The following ANXA11 variants were observed in gnomAD, a reference collection of about 807,000 sequenced individuals.
ANXA11 encodes 56 kDa autoantigen.
In ANXA11, 57 loss-of-function variants were observed where a neutral mutation model predicts 64.7. That is an observed-to-expected ratio of 0.88 (90% CI 0.71 to 1.10). The LOEUF (loss-of-function observed/expected upper bound fraction) is 1.10, where lower values mean the gene tolerates loss of function less well. ANXA11 is among the 50% of genes least tolerant of loss of function. The probability of loss-of-function intolerance (pLI) is 0.00; values close to 1 mark genes in which losing one functional copy is unlikely to be tolerated. For synonymous variants in ANXA11, 260 were observed against 265.2 expected (o/e 0.98, Z 0.19); for missense variants, 675 against 670.7 (o/e 1.01, Z -0.07).
chr10:80,189,183 G>A (rs1483049008), intron 1 of ANXA11, among the ~76,000 whole-genome samples: 2 of 152,208 alleles, frequency 1.3e-5, no homozygotes, highest in African/African-American at 2.4e-5. Context: ...AAAGCAGAGA[G>A]CCTTTGTTGC....
intron 15 of ANXA11, among the ~76,000 whole-genome samples, chr10:80,156,158 C>CA (rs904780222): frequency 3.0e-4 from 45 of 151,620 alleles, no homozygotes; most frequent in African/African-American, 8.2e-4. Flanking sequence ...TGAATACCCA[C>CA]AAAAAAAAAT....
At chr10:80,187,364 C>T (rs976323470) in intron 1 of ANXA11, among the ~76,000 whole-genome samples, 2 of 152,180 alleles carry the variant, frequency 1.3e-5, no homozygotes, top group African/African-American at 2.4e-5. Context: ...TATTTGTGAA[C>T]CAGAAAGTGG....
At position 80,192,617 on chromosome 10, in the gene ANXA11, G is replaced by A. The variant is rs1372158751; in HGVS notation, c.-58+12726C>T. Among the ~76,000 whole-genome samples, 5 of 152,240 alleles carry A rather than the reference G, an allele frequency of 3.3e-5. No homozygotes were observed. The South Asian group carries it at 8.3e-4, about 25-fold the overall frequency. On this transcript the variant is annotated intron_variant, in intron 1 of 15. Transcript: ENST00000422982. ...CATTGTGAAATTTGAGAAGAGAAGA[G>A]GCAGAAGATACTAAAACTTTAGAAA...
chr10:80,171,296 T>C (rs2132421863), intron 3 of ANXA11: 4 of 1,039,128 alleles, frequency 3.8e-6, no homozygotes, highest in South Asian at 3.1e-5. Context: ...GAGGTGACCA[T>C]AGGGAGCTCT....
chr10:80,156,436 C>T (rs1281456733), intron 15 of ANXA11: 2 of 471,862 alleles, frequency 4.2e-6, no homozygotes, highest in African/African-American at 2.0e-5. Context: ...CCCTAAGCAA[C>T]TTGAGGGCAA....
intron 2 of ANXA11, among the ~76,000 whole-genome samples, chr10:80,173,580 C>T (rs1346347640): frequency 6.6e-6 from 1 of 151,514 alleles, no homozygotes. Flanking sequence ...GAGACACCTG[C>T]TCTCACGAAG....
intron 1 of ANXA11, among the ~76,000 whole-genome samples, chr10:80,194,009 G>C (rs1339496777): frequency 6.6e-6 from 1 of 151,882 alleles, no homozygotes; most frequent in Non-Finnish European, 1.5e-5. Context: ...AGTAGAGACA[G>C]GGTTTCGCCA....
chr10:80,157,005 C>T (rs936049241), intron 15 of ANXA11: 1 of 985,348 alleles, frequency 1.0e-6, no homozygotes, highest in Non-Finnish European at 1.2e-6. Context: ...TTTTGTCAGA[C>T]TGGCTCTGCC....
intron 7 of ANXA11, 87 bp downstream of exon 7, chr10:80,166,803 G>T: frequency 1.9e-6 from 2 of 1,036,168 alleles, no homozygotes; most frequent in Non-Finnish European, 2.9e-6. Context: ...GGAGATCCGG[G>T]CCCACCCAAG....
At chr10:80,200,671 G>A (rs558877757) in intron 1 of ANXA11, among the ~76,000 whole-genome samples, 2 of 152,298 alleles carry the variant, frequency 1.3e-5, no homozygotes, top group South Asian at 4.1e-4. Flanking sequence ...GTCCCGCAGA[G>A]GACCTATTTT....
chr10:80,174,087 C>T (rs950546018), intron 2 of ANXA11, among the ~76,000 whole-genome samples: 3 of 152,176 alleles, frequency 2.0e-5, no homozygotes, highest in Non-Finnish European at 4.4e-5. Flanking sequence ...CAGGGTCTCG[C>T]TCTGTCACCC....
chr10:80,201,715 G>T (rs2132512004), intron 1 of ANXA11, among the ~76,000 whole-genome samples: 1 of 152,204 alleles, frequency 6.6e-6, no homozygotes, highest in South Asian at 2.1e-4. Context: ...AAATAGCCGT[G>T]ACCTTTTTAG....
rs1845150913 is a variant in ANXA11, at chr10:80,151,167, A to C, written c.*4686T>G. The C allele has an allele frequency of 6.6e-6, 1 of 152,200 alleles. No homozygotes were observed. The highest frequency in any genetic ancestry group is 1.5e-5 in the Non-Finnish European group (1 of 68,042). The allele number at this position is 152,200 out of a possible 1,614,324, so 9.4% of individuals were successfully genotyped here. A position where few individuals can be genotyped will look rare whatever the true frequency, so the allele number is the denominator to read the frequency against. On this transcript the variant is annotated 3_prime_UTR_variant, in exon 16 of 16. Transcript: ENST00000422982. ...GGGCTGAGCTGAGATCAGAATAAGG[A>C]TGTTTGACTCTCAGGTCAGAGCTCT...
At chr10:80,172,441 A>G (rs778248991) in intron 3 of ANXA11, among the ~76,000 whole-genome samples, 1 of 152,156 alleles carries the variant, frequency 6.6e-6, no homozygotes, top group Non-Finnish European at 1.5e-5. Context: ...CTATCTCATC[A>G]GTATCCAGGA....
At chr10:80,202,395 T>TC (rs1252865935) in intron 1 of ANXA11, among the ~76,000 whole-genome samples, 5 of 152,134 alleles carry the variant, frequency 3.3e-5, no homozygotes, top group African/African-American at 1.2e-4. Flanking sequence ...TATGTGACTA[T>TC]CAGGTCTTTA....
At chr10:80,201,541 C>G (rs766212518) in intron 1 of ANXA11, among the ~76,000 whole-genome samples, 3 of 152,166 alleles carry the variant, frequency 2.0e-5, no homozygotes, top group Non-Finnish European at 2.9e-5. Context: ...TCCTCCAAAC[C>G]TGGTCCTCAT....
chr10:80,167,044 G>A, intron 6 of ANXA11, 60 bp from the exon 7 acceptor site: 1 of 1,410,688 alleles, frequency 7.1e-7, no homozygotes, highest in Non-Finnish European at 9.8e-7. Flanking sequence ...CTGCAGCTGA[G>A]ACTTCCCTGG....
rs1191687298 is a variant in ANXA11 at position 80,205,123 on chromosome 10, G to C, written c.-58+220C>G. Among the ~76,000 whole-genome samples, 6 of 152,096 alleles carry C rather than the reference G, an allele frequency of 3.9e-5. No homozygotes were observed. The East Asian group carries it at 7.7e-4, about 20-fold the overall frequency. On this transcript the variant is annotated intron_variant, in intron 1 of 15. Transcript: ENST00000422982. ...GACCACACATGAGGGAGCAGCCCCA[G>C]ACGCCGAGGCTGATCTAGGGGGCTG... is the stretch of plus-strand genomic sequence containing the variant.
At chr10:80,160,145 G>T (rs1179267907) in intron 12 of ANXA11, among the ~76,000 whole-genome samples, 1 of 152,190 alleles carries the variant, frequency 6.6e-6, no homozygotes, top group Non-Finnish European at 1.5e-5. Flanking sequence ...TGCTCTGTGT[G>T]TATCTGTCTC....
Sources: gnomAD v4.1 joint callset for allele counts (sites outside exome capture counted in the v4.1 genomes callset) on GRCh38, gnomAD v4.1.1 for gene constraint, MANE v1.5 for transcripts, NCBI Gene and HGNC (gene_info 2026-07-23, HGNC 2026-07-21) for gene names.